ASTN1: variants seen among roughly 807,000 people sequenced by gnomAD.
The protein encoded by ASTN1 is astrotactin 1, also known as astrotactin-1.
In ASTN1, 41 loss-of-function variants were observed where a neutral mutation model predicts 140.7. The ratio of observed to expected loss-of-function variants is 0.29; its 90% confidence interval spans 0.23 to 0.38. The LOEUF is 0.38. ASTN1 is among the 10% of genes least tolerant of loss of function. The pLI is 1.00. For missense variants in ASTN1, 1,479 were observed against 1,678.8 expected (o/e 0.88, Z 2.08); for synonymous variants, 640 against 652.2 (o/e 0.98, Z 0.29).
rs1308796156 is a variant in ASTN1, at chr1:177,142,908, GGGA to G, written c.283+21483_283+21485del. On this transcript the variant is annotated intron_variant, in intron 1 of 22. Coordinates refer to ENST00000361833, the MANE Select transcript of ASTN1 (RefSeq NM_004319.3). The stretch of plus-strand genomic sequence containing the variant: ...AGCAAGGAGGAAAAAAAAAAAGGGG[GGGA>G]GGGGTGCTGAGTTTCAAGAGCCACA... 1.3e-3 allele frequency among the ~76,000 whole-genome samples: 184 copies of G among 141,594 alleles called. 4 individuals are homozygous for G. The highest frequency in any genetic ancestry group is 4.8e-3 in the African/African-American group (156 of 32,356). The allele number at this position is 141,594 out of a possible 152,430, so 92.9% of individuals were successfully genotyped here.
intron 1 of ASTN1, among the ~76,000 whole-genome samples, chr1:177,096,217 G>A (rs1408373483): frequency 1.3e-5 from 2 of 152,146 alleles, no homozygotes; most frequent in Non-Finnish European, 2.9e-5. Flanking sequence ...AATACCTTGA[G>A]TCTCACCTAT....
chr1:176,913,735 G>T (rs1460074276), intron 16 of ASTN1, among the ~76,000 whole-genome samples: 1 of 152,212 alleles, frequency 6.6e-6, no homozygotes, highest in East Asian at 1.9e-4. Context: ...ATAGACAGAA[G>T]TGAACAAGGC....
chr1:176,884,564 G>T, intron 18 of ASTN1, 74 bp from the exon 19 acceptor site: 1 of 1,484,214 alleles, frequency 6.7e-7, no homozygotes. Flanking sequence ...TACCTCAATT[G>T]TGATACTGTA....
chr1:177,079,481 T>TG (rs1553253506), intron 1 of ASTN1, among the ~76,000 whole-genome samples: 1 of 152,150 alleles, frequency 6.6e-6, no homozygotes, highest in Non-Finnish European at 1.5e-5. Flanking sequence ...CCTTCCAACT[T>TG]AAAAAATATA....
Position 176,898,651 on chromosome 1 carries a change from T to C in ASTN1, c.2672-3821A>G, listed in dbSNP as rs141374946. Among the ~76,000 whole-genome samples the C allele has an allele frequency of 2.8e-3, 426 of 152,284 alleles. 2 individuals are homozygous for C. Among genetic ancestry groups the C allele is most frequent in the African/African-American group, 9.8e-3 (408 of 41,556 alleles). On this transcript the variant is annotated intron_variant, in intron 16 of 22. Transcript: ENST00000361833. ...TCAGGAGAGGCTGATCTTTGACCGT[T>C]GCTTTTAACTCCTCCTGTGTGGGAG...
intron 1 of ASTN1, among the ~76,000 whole-genome samples, chr1:177,134,852 G>A (rs1682110582): frequency 6.6e-6 from 1 of 152,120 alleles, no homozygotes; most frequent in Non-Finnish European, 1.5e-5. Context: ...AAATGCCTTA[G>A]GAATTCCCAG....
intron 2 of ASTN1, among the ~76,000 whole-genome samples, chr1:177,038,733 A>C (rs1299705794): frequency 6.6e-6 from 1 of 152,190 alleles, no homozygotes; most frequent in Non-Finnish European, 1.5e-5. Context: ...ACTGTTATGA[A>C]GATAATGCGG....
At chr1:176,928,277 T>C (rs1671058720) in intron 16 of ASTN1, among the ~76,000 whole-genome samples, 1 of 151,796 alleles carries the variant, frequency 6.6e-6, no homozygotes, top group African/African-American at 2.4e-5. Context: ...CTCTAGGGAG[T>C]GGAACAGGAT....
intron 8 of ASTN1, among the ~76,000 whole-genome samples, chr1:176,970,433 T>C (rs898878451): frequency 2.6e-5 from 4 of 152,170 alleles, no homozygotes; most frequent in African/African-American, 9.7e-5. Context: ...TAAGTGCTAG[T>C]CCCAGCTTTC....
intron 2 of ASTN1, among the ~76,000 whole-genome samples, chr1:177,054,716 T>C (rs576194644): frequency 2.6e-5 from 4 of 152,322 alleles, no homozygotes; most frequent in African/African-American, 7.2e-5. Context: ...CTGGAAACAC[T>C]GTGAAGCTGT....
chr1:177,071,553 C>T (rs1207987277), intron 1 of ASTN1, among the ~76,000 whole-genome samples: 1 of 152,118 alleles, frequency 6.6e-6, no homozygotes, highest in African/African-American at 2.4e-5. Context: ...GGCTTTCCAC[C>T]CCATTCCTAC....
intron 16 of ASTN1, among the ~76,000 whole-genome samples, chr1:176,906,314 A>T (rs1369849843): frequency 6.6e-6 from 1 of 152,234 alleles, no homozygotes; most frequent in African/African-American, 2.4e-5. Flanking sequence ...TTCAGAGAGC[A>T]GAATTAGGAT....
At chr1:176,877,268 T>A (rs1557928621) in intron 20 of ASTN1, among the ~76,000 whole-genome samples, 1 of 152,174 alleles carries the variant, frequency 6.6e-6, no homozygotes, top group Non-Finnish European at 1.5e-5. Context: ...TCACACTAGT[T>A]CTCTTCAGTT....
chr1:177,082,010 A>G (rs1679203238), intron 1 of ASTN1, among the ~76,000 whole-genome samples: 1 of 152,152 alleles, frequency 6.6e-6, no homozygotes, highest in African/African-American at 2.4e-5. Flanking sequence ...TATGCTAGAG[A>G]GGAAACACAG....
At chr1:177,056,330 G>A (rs903594744) in intron 2 of ASTN1, among the ~76,000 whole-genome samples, 1 of 152,108 alleles carries the variant, frequency 6.6e-6, no homozygotes, top group African/African-American at 2.4e-5. Context: ...TCTCCCAGGA[G>A]TGAACTCTGT....
chr1:177,094,219 A>G (rs1290520754), intron 1 of ASTN1, among the ~76,000 whole-genome samples: 1 of 152,246 alleles, frequency 6.6e-6, no homozygotes, highest in Non-Finnish European at 1.5e-5. Context: ...ACAGACACTA[A>G]GAAAATTGTG....
chr1:177,075,645 C>CTTTTTTTTTTTTT (rs5778927), intron 1 of ASTN1, among the ~76,000 whole-genome samples: 5 of 99,544 alleles, frequency 5.0e-5, no homozygotes, highest in Non-Finnish European at 7.5e-5. Flanking sequence ...CTTTTCTTTT[C>CTTTTTTTTTTTTT]TTTTTTTTTT....
chr1:176,860,574 A>C (rs1329358327), downstream of ASTN1, among the ~76,000 whole-genome samples: 2 of 152,236 alleles, frequency 1.3e-5, no homozygotes, highest in African/African-American at 2.4e-5. Context: ...TACACAGTGC[A>C]AGACAGGAAT....
chr1:177,106,654 C>T (rs1007101040), intron 1 of ASTN1, among the ~76,000 whole-genome samples: 4 of 152,090 alleles, frequency 2.6e-5, no homozygotes, highest in Admixed American at 6.5e-5. Flanking sequence ...GATACCTCAC[C>T]CTGCCAAAAG....
Sources: gnomAD v4.1 joint callset for allele counts (sites outside exome capture counted in the v4.1 genomes callset) on GRCh38, gnomAD v4.1.1 for gene constraint, MANE v1.5 for transcripts, NCBI Gene and HGNC (gene_info 2026-07-23, HGNC 2026-07-21) for gene names.